PCDH11Y: variants seen among roughly 807,000 people sequenced by gnomAD.
PCDH11Y encodes protocadherin 11 Y-linked.
For missense variants in PCDH11Y, 12 were observed against 224.8 expected (o/e 0.05, Z 6.05); for synonymous variants, 9 against 83.6 (o/e 0.11, Z 4.87).
chrY:5,345,197 C>A (rs2124669575), intron 2 of PCDH11Y, among the ~76,000 whole-genome samples: 2 of 33,749 alleles, frequency 5.9e-5, no homozygotes, highest in Admixed American at 5.4e-4. Context: ...TGGGTGGAAG[C>A]TAATGTCTTG....
At chrY:5,480,676 G>A in intron 2 of PCDH11Y, among the ~76,000 whole-genome samples, 1 of 32,716 alleles carries the variant, frequency 3.1e-5, no homozygotes, top group East Asian at 8.4e-4. Flanking sequence ...CAGGTGCTCT[G>A]TCCCAGGGAA....
At chrY:5,691,322 A>G (rs2557298) in intron 4 of PCDH11Y, among the ~76,000 whole-genome samples, 1 of 33,938 alleles carries the variant, frequency 2.9e-5, no homozygotes, top group Admixed American at 2.7e-4. Flanking sequence ...GATTACAGTC[A>G]CTGTGTGCTT....
intron 4 of PCDH11Y, among the ~76,000 whole-genome samples, chrY:5,614,975 GA>G: frequency 3.1e-5 from 1 of 31,921 alleles, no homozygotes; most frequent in African/African-American, 1.3e-4. Flanking sequence ...GCAGCAGCAA[GA>G]AAAAATGAGG....
In PCDH11Y at chrY:5,542,927, T is replaced by C. The variant is rs200419113; in HGVS notation, c.3329-38848T>C. Reference sequence around the variant, plus strand: ...CTCACTGACAGGTAATAGTAACGCATTCAGGTTTGTTGATAAGGAGAAAAG... The same window carrying C: ...CTCACTGACAGGTAATAGTAACGCACTCAGGTTTGTTGATAAGGAGAAAAG... On this transcript the variant is annotated intron_variant, in intron 3 of 4. Transcript: ENST00000400457. Among the ~76,000 whole-genome samples, 32 of 34,708 alleles carry C rather than the reference T, an allele frequency of 9.2e-4. No homozygotes were observed. The East Asian group carries it at 0.023, about 25-fold the overall frequency. 93.1% of individuals were successfully genotyped at this position (34,708 alleles called of 37,273 possible).
intron 2 of PCDH11Y, among the ~76,000 whole-genome samples, chrY:5,187,537 A>G (rs2124647797): frequency 3.0e-5 from 1 of 32,806 alleles, no homozygotes; most frequent in South Asian, 6.9e-4. Flanking sequence ...CCTCCAAAGT[A>G]ACAGCCTGAG....
At chrY:5,524,963 T>C (rs780832388) in intron 3 of PCDH11Y, among the ~76,000 whole-genome samples, 31 of 27,847 alleles carry the variant, frequency 1.1e-3, no homozygotes, top group Non-Finnish European at 1.6e-3. Context: ...CTTTATCCAG[T>C]CTATCACTGA....
chrY:5,190,126 T>A lies in PCDH11Y; in HGVS notation c.3129+89419T>A. Among the ~76,000 whole-genome samples, 3 of 32,789 alleles carry A rather than the reference T, an allele frequency of 9.1e-5. No homozygotes were observed. In the East Asian group the frequency reaches 2.4e-3, roughly 27 times the overall value. The allele number at this position is 32,789 out of a possible 37,273, so 88.0% of individuals were successfully genotyped here. On this transcript the variant is annotated intron_variant, in intron 2 of 4. Coordinates refer to the PCDH11Y transcript ENST00000400457. Reference sequence around the variant, plus strand: ...AAATAACAATTAGAGGCCATGTACATTAGATGTGCAATTCCCAGCTCTGGC... The same window carrying A: ...AAATAACAATTAGAGGCCATGTACAATAGATGTGCAATTCCCAGCTCTGGC...
chrY:5,326,533 C>T, intron 2 of PCDH11Y, among the ~76,000 whole-genome samples: 1 of 32,614 alleles, frequency 3.1e-5, no homozygotes, highest in Non-Finnish European at 7.5e-5. Flanking sequence ...CCTGGTGGAA[C>T]TGCCATCAAT....
intron 1 of PCDH11Y, among the ~76,000 whole-genome samples, chrY:5,081,386 G>GT (rs35572149): frequency 3.1e-5 from 1 of 32,444 alleles, no homozygotes; most frequent in African/African-American, 1.2e-4. Context: ...TTTTAAAATA[G>GT]TTTTTTTGCT....
chrY:5,088,181 G>A (rs1311535930), intron 1 of PCDH11Y, among the ~76,000 whole-genome samples: 5 of 32,261 alleles, frequency 1.5e-4, no homozygotes, highest in Non-Finnish European at 3.0e-4. Context: ...GTGTCCTTGT[G>A]GGGAGGATGA....
At chrY:5,205,766 G>A (rs2052931688) in intron 2 of PCDH11Y, among the ~76,000 whole-genome samples, 3 of 28,037 alleles carry the variant, frequency 1.1e-4, no homozygotes, top group South Asian at 8.0e-4. Flanking sequence ...TAGCTAACTC[G>A]ACAGTGCTAT....
At chrY:5,124,683 G>A (rs2052823174) in intron 2 of PCDH11Y, among the ~76,000 whole-genome samples, 1 of 32,020 alleles carries the variant, frequency 3.1e-5, no homozygotes. Context: ...CCTATATCCT[G>A]ATGAGTTCTG....
chrY:5,567,664 ATAAT>A, intron 3 of PCDH11Y, among the ~76,000 whole-genome samples: 1 of 27,053 alleles, frequency 3.7e-5, no homozygotes, highest in Admixed American at 3.8e-4. Flanking sequence ...ATAATTATAT[ATAAT>A]TATATGTGTA....
chrY:5,694,555 A>T, intron 4 of PCDH11Y, among the ~76,000 whole-genome samples: 1 of 32,125 alleles, frequency 3.1e-5, no homozygotes, highest in Non-Finnish European at 7.7e-5. Context: ...ATATGGTGAA[A>T]ATTTGCTAAT....
At chrY:5,572,085 A>T in intron 3 of PCDH11Y, among the ~76,000 whole-genome samples, 1 of 33,041 alleles carries the variant, frequency 3.0e-5, no homozygotes, top group Admixed American at 2.7e-4. Context: ...TTTAGCTGCC[A>T]TATATGATTG....
intron 3 of PCDH11Y, among the ~76,000 whole-genome samples, chrY:5,542,149 GT>G (rs2053407955): frequency 3.1e-5 from 1 of 32,321 alleles, no homozygotes; most frequent in African/African-American, 1.2e-4. Context: ...CTCAAAGCTG[GT>G]TTTTTTGGAC....
At chrY:5,143,323 A>C (rs2052853128) in intron 2 of PCDH11Y, among the ~76,000 whole-genome samples, 45 of 33,751 alleles carry the variant, frequency 1.3e-3, no homozygotes, top group African/African-American at 5.1e-3. Flanking sequence ...GATAAAAATT[A>C]CTTTTATGAG....
intron 4 of PCDH11Y, among the ~76,000 whole-genome samples, chrY:5,614,101 T>G: frequency 5.9e-5 from 1 of 17,013 alleles, no homozygotes; most frequent in Non-Finnish European, 1.3e-4. Context: ...TCGACGACTC[T>G]GCGCTAGATA....
chrY:5,255,590 G>C, intron 2 of PCDH11Y, among the ~76,000 whole-genome samples: 1 of 32,707 alleles, frequency 3.1e-5, no homozygotes, highest in Non-Finnish European at 7.5e-5. Flanking sequence ...TTGTATGGTA[G>C]CTTTATATCT....
Sources: gnomAD v4.1 joint callset for allele counts (sites outside exome capture counted in the v4.1 genomes callset) on GRCh38, gnomAD v4.1.1 for gene constraint, MANE v1.5 for transcripts, NCBI Gene and HGNC (gene_info 2026-07-23, HGNC 2026-07-21) for gene names.